The following ABCC4 variants were observed in gnomAD, a reference collection of about 807,000 sequenced individuals.
ABCC4 encodes ATP binding cassette subfamily C member 4 (PEL blood group), also known as ATP-binding cassette sub-family C member 4.
A neutral mutation model predicts 168.5 loss-of-function variants in ABCC4; 102 were observed. That is an observed-to-expected ratio of 0.61 (90% CI 0.52 to 0.71). The LOEUF is 0.71. ABCC4 is among the 30% of genes least tolerant of loss of function. The pLI is 0.00. For synonymous variants in ABCC4, 617 were observed against 590.7 expected (o/e 1.04, Z -0.65); for missense variants, 1,402 against 1,605.8 (o/e 0.87, Z 2.17).
At chr13:95,203,870 C>A (rs745561669) in intron 8 of ABCC4, among the ~76,000 whole-genome samples, 4 of 152,204 alleles carry the variant, frequency 2.6e-5, no homozygotes, top group Non-Finnish European at 4.4e-5. Flanking sequence ...CAACTCGAGT[C>A]TGCTTCCTCG....
intron 29 of ABCC4, among the ~76,000 whole-genome samples, chr13:95,038,082 T>A (rs2032198202): frequency 6.6e-6 from 1 of 152,114 alleles, no homozygotes; most frequent in African/African-American, 2.4e-5. Context: ...TTTAAACTCC[T>A]GAGCTCAAAG....
chr13:95,083,818 A>G (rs570043614), intron 20 of ABCC4, among the ~76,000 whole-genome samples: 1 of 152,198 alleles, frequency 6.6e-6, no homozygotes, highest in South Asian at 2.1e-4. Flanking sequence ...CCACCACACC[A>G]GGCCCCCATT....
At chr13:95,160,879 G>A (rs2037075524) in intron 19 of ABCC4, among the ~76,000 whole-genome samples, 1 of 152,172 alleles carries the variant, frequency 6.6e-6, no homozygotes, top group Non-Finnish European at 1.5e-5. Context: ...ATGTTTACAG[G>A]GAATGCAGGA....
chr13:95,281,933 C>T (rs2041134821), intron 1 of ABCC4, among the ~76,000 whole-genome samples: 1 of 152,070 alleles, frequency 6.6e-6, no homozygotes, highest in African/African-American at 2.4e-5. Flanking sequence ...ATGGCAAAAC[C>T]CCGTCTCTAC....
chr13:95,150,022 G>A (rs189774287), intron 19 of ABCC4, among the ~76,000 whole-genome samples: 7 of 152,118 alleles, frequency 4.6e-5, no homozygotes, highest in East Asian at 1.9e-4. Flanking sequence ...CCTAGGCTTG[G>A]GGGGGCAATA....
At chr13:95,070,700 G>A (rs2033695484) in intron 25 of ABCC4, among the ~76,000 whole-genome samples, 1 of 152,106 alleles carries the variant, frequency 6.6e-6, no homozygotes, top group South Asian at 2.1e-4. Flanking sequence ...TCCCTTGGGG[G>A]CTGAGAGCCA....
At position 95,194,814 on chromosome 13, in the gene ABCC4, T is replaced by TA. The variant is rs774347132; in HGVS notation, c.1263+21_1263+22insT. 5.0e-5 allele frequency: 79 copies of TA among 1,584,094 alleles called. No homozygotes were observed. The East Asian group carries it at 1.6e-3, about 33-fold the overall frequency. On this transcript the variant is annotated intron_variant, in intron 9 of 30. Coordinates refer to ENST00000645237, the MANE Select transcript of ABCC4 (RefSeq NM_005845.5). ...CACTCATTATCTTCAGCAGTCATGA[T>TA]CTTGCATTAAGGATATGTTACCTTA...
At chr13:95,163,690 A>G (rs1287716976) in intron 16 of ABCC4, 43 bp from the exon 17 acceptor site, 8 of 1,547,174 alleles carry the variant, frequency 5.2e-6, no homozygotes, top group Admixed American at 1.7e-5. Context: ...AAACTTGGGC[A>G]TGACTTACCA....
At chr13:95,069,033 C>T (rs1272775040) in intron 25 of ABCC4, among the ~76,000 whole-genome samples, 2 of 152,208 alleles carry the variant, frequency 1.3e-5, no homozygotes, top group African/African-American at 4.8e-5. Flanking sequence ...TGCTGGTTCC[C>T]TGGGTATCTT....
chr13:95,169,023 T>C (rs776157293), intron 14 of ABCC4, among the ~76,000 whole-genome samples: 1 of 152,032 alleles, frequency 6.6e-6, no homozygotes, highest in Non-Finnish European at 1.5e-5. Context: ...ACAGCGACAA[T>C]GCCATGTGAC....
chr13:95,113,542 T>C (rs1355110691), intron 20 of ABCC4, among the ~76,000 whole-genome samples: 1 of 149,426 alleles, frequency 6.7e-6, no homozygotes, highest in Non-Finnish European at 1.5e-5. Context: ...GCTGTTTTCA[T>C]CCTTACAGAG....
chr13:95,236,899 C>G (rs558531102), intron 3 of ABCC4, among the ~76,000 whole-genome samples: 2 of 152,144 alleles, frequency 1.3e-5, no homozygotes, highest in African/African-American at 4.8e-5. Context: ...AGAAGCAAGA[C>G]GGCCAAACTG....
intron 1 of ABCC4, chr13:95,269,431 A>AAG (rs1337155802): frequency 5.8e-6 from 1 of 172,516 alleles, no homozygotes; most frequent in Non-Finnish European, 1.1e-5. Context: ...ATCTCAAAAA[A>AAG]AAAATATATA....
Position 95,166,150 on chromosome 13 carries a change from G to A in ABCC4, c.2034+8C>T. On this transcript the variant is annotated splice_region_variant and intron_variant, in intron 15 of 30. Transcript: ENST00000645237. Reference sequence around the variant, plus strand: ...ACCAGGCCATGTTGTAACAGGAGGTGAACTCACATCTTGGCTCTCCAGAGC... The same window carrying A: ...ACCAGGCCATGTTGTAACAGGAGGTAAACTCACATCTTGGCTCTCCAGAGC... 4 of 1,611,348 alleles carry A rather than the reference G, an allele frequency of 2.5e-6. No individual in the cohort carries two copies. The highest frequency in any genetic ancestry group is 1.7e-4 in the Middle Eastern group (1 of 6,044).
chr13:95,157,088 CCACACACACACACACA>C (rs67671921), intron 19 of ABCC4, among the ~76,000 whole-genome samples: 29 of 134,708 alleles, frequency 2.2e-4, no homozygotes, highest in Middle Eastern at 4.0e-3. Flanking sequence ...TGAGACTCTA[CCACACACACACACACA>C]CACACACACA....
At chr13:95,103,557 G>C (rs2034888493) in intron 20 of ABCC4, among the ~76,000 whole-genome samples, 1 of 152,200 alleles carries the variant, frequency 6.6e-6, no homozygotes, top group South Asian at 2.1e-4. Flanking sequence ...ACACAGCCTT[G>C]TGAATGACAC....
At chr13:95,218,354 G>A (rs558097374) in intron 4 of ABCC4, among the ~76,000 whole-genome samples, 4 of 152,210 alleles carry the variant, frequency 2.6e-5, no homozygotes, top group East Asian at 1.9e-4. Context: ...CTCCTTCCTC[G>A]TAAACATGAT....
chr13:95,080,023 T>C (rs969938594), intron 21 of ABCC4, among the ~76,000 whole-genome samples: 1 of 152,178 alleles, frequency 6.6e-6, no homozygotes, highest in African/African-American at 2.4e-5. Context: ...TGAGGGCATT[T>C]TTCTCCAGAC....
At chr13:95,220,554 G>A (rs1276376103) in intron 4 of ABCC4, among the ~76,000 whole-genome samples, 1 of 152,078 alleles carries the variant, frequency 6.6e-6, no homozygotes, top group East Asian at 1.9e-4. Context: ...AATGACAGAT[G>A]TCAGAAAATG....
Sources: gnomAD v4.1 joint callset for allele counts (sites outside exome capture counted in the v4.1 genomes callset) on GRCh38, gnomAD v4.1.1 for gene constraint, MANE v1.5 for transcripts, NCBI Gene and HGNC (gene_info 2026-07-23, HGNC 2026-07-21) for gene names.